The following MAPRE3 variants were observed in gnomAD, a reference collection of about 807,000 sequenced individuals.
The protein encoded by MAPRE3 is microtubule-associated protein RP/EB family member 3.
A neutral mutation model predicts 30.5 loss-of-function variants in MAPRE3; 2 were observed. The observed-to-expected ratio is 0.07, with a 90% confidence interval of 0.03 to 0.21. The LOEUF (loss-of-function observed/expected upper bound fraction) is 0.21, where lower values mean the gene tolerates loss of function less well. MAPRE3 is among the 10% of genes least tolerant of loss of function. The probability of loss-of-function intolerance (pLI) is 1.00; values close to 1 mark genes in which losing one functional copy is unlikely to be tolerated. For synonymous variants in MAPRE3, 110 were observed against 127.7 expected, an observed-to-expected ratio of 0.86 and a Z score of 0.93; for missense variants, 204 against 351.8, an observed-to-expected ratio of 0.58 and a Z score of 3.36.
rs1289933817 is a variant in MAPRE3 at position 27,010,441 on chromosome 2, T to TTC, written c.-7-11770_-7-11769insCT. ...AAGCCTACTTTTAATCTGTATTTCT[T>TTC]TTTTTTTTTTTTTTTTTGAGATGGA... On this transcript the variant is annotated intron_variant, in intron 1 of 6. Transcript: ENST00000233121. 2.1e-5 allele frequency among the ~76,000 whole-genome samples: 3 copies of TTC among 145,234 alleles called. No homozygotes were observed. The South Asian group carries it at 6.6e-4, about 32-fold the overall frequency.
At chr2:27,005,173 G>A (rs1401113952) in intron 1 of MAPRE3, among the ~76,000 whole-genome samples, 5 of 152,274 alleles carry the variant, frequency 3.3e-5, no homozygotes, top group Middle Eastern at 6.8e-3. Context: ...GCCCAAGGAA[G>A]TAGTCACAGA....
intron 2 of MAPRE3, chr2:27,022,968 TG>T: frequency 5.4e-6 from 1 of 183,616 alleles, no homozygotes; most frequent in Non-Finnish European, 1.2e-5. Context: ...CACACCTCTC[TG>T]GGTCCAGCTC....
At chr2:26,989,700 G>T (rs1002436459) in intron 1 of MAPRE3, among the ~76,000 whole-genome samples, 2 of 152,174 alleles carry the variant, frequency 1.3e-5, no homozygotes, top group African/African-American at 4.8e-5. Flanking sequence ...ATGTCAGGAT[G>T]CTCCACTCTG....
chr2:27,022,813 C>T (rs1309383349), intron 2 of MAPRE3: 2 of 167,660 alleles, frequency 1.2e-5, no homozygotes, highest in Non-Finnish European at 2.6e-5. Flanking sequence ...GAGCTGGAGG[C>T]CCTGAACTAG....
At chr2:27,022,613 A>C in intron 2 of MAPRE3, 1 of 379,728 alleles carries the variant, frequency 2.6e-6, no homozygotes. Flanking sequence ...TCTGTACTAA[A>C]TACTGCAGAC....
intron 1 of MAPRE3, among the ~76,000 whole-genome samples, chr2:26,991,069 T>A (rs6705514): frequency 1.3e-5 from 2 of 151,942 alleles, no homozygotes; most frequent in African/African-American, 2.4e-5. Flanking sequence ...CTGGCTAACA[T>A]GGTGAAACCC....
At chr2:26,974,045 T>C (rs1270623744) in intron 1 of MAPRE3, among the ~76,000 whole-genome samples, 1 of 152,124 alleles carries the variant, frequency 6.6e-6, no homozygotes, top group Non-Finnish European at 1.5e-5. Flanking sequence ...TTACCTAAGG[T>C]CACCCAACCC....
rs549096008 is a variant in MAPRE3, at chr2:26,986,977, C to T, written c.-8+16175C>T. On this transcript the variant is annotated intron_variant, in intron 1 of 6. Coordinates refer to ENST00000233121, the MANE Select transcript of MAPRE3 (RefSeq NM_012326.4). This position sits in a 1 kb window ranked among gnomAD's most constrained non-coding sequence, Gnocchi z 4.2. ...GAGTTTCCACCTAGAGGTAAGAACT[C>T]AGGAGGGAGTGCCCCGGTAATAGCT... is the stretch of plus-strand genomic sequence containing the variant. 6.6e-6 allele frequency among the ~76,000 whole-genome samples: 1 copy of T among 152,178 alleles called. No homozygotes were observed. Among genetic ancestry groups the T allele is most frequent in the South Asian group, 2.1e-4 (1 of 4,812 alleles).
intron 1 of MAPRE3, among the ~76,000 whole-genome samples, chr2:26,990,302 C>G (rs1666311724): frequency 6.6e-6 from 1 of 152,188 alleles, no homozygotes; most frequent in Non-Finnish European, 1.5e-5. Context: ...GCGCCCCATG[C>G]TCTCCCCGCT....
intron 1 of MAPRE3, chr2:27,002,135 A>C (rs187936213): frequency 1.3e-4 from 20 of 152,364 alleles, no homozygotes; most frequent in African/African-American, 4.8e-4. Flanking sequence ...TATTGGAGAC[A>C]GGTAAGGAAG....
Position 27,025,876 on chromosome 2 carries a change from G to A in MAPRE3, c.625-4G>A, listed in dbSNP as rs775157956. 2.5e-6 allele frequency: 4 copies of A among 1,614,210 alleles called. No individual in the cohort carries two copies. Among genetic ancestry groups the A allele is most frequent in the Non-Finnish European group, 3.4e-6 (4 of 1,180,038 alleles). On this transcript the variant is annotated splice_polypyrimidine_tract_variant and splice_region_variant and intron_variant, in intron 5 of 6. Coordinates refer to ENST00000233121, the MANE Select transcript of MAPRE3 (RefSeq NM_012326.4). The stretch of plus-strand genomic sequence containing the variant: ...GGCTTGAACATCACTTTGTCCCCAA[G>A]CAGCTGGTGGACTTGAAGCTGACAG...
intron 1 of MAPRE3, among the ~76,000 whole-genome samples, chr2:26,990,424 T>C (rs528116728): frequency 6.6e-6 from 1 of 152,274 alleles, no homozygotes; most frequent in Admixed American, 6.5e-5. Flanking sequence ...AGGTTACACA[T>C]CACTTCTTGC....
intron 1 of MAPRE3, among the ~76,000 whole-genome samples, chr2:26,992,251 A>T (rs757933587): frequency 2.1e-5 from 3 of 144,432 alleles, no homozygotes; most frequent in Non-Finnish European, 4.5e-5. Flanking sequence ...TTTGAGATGG[A>T]GTTTCGCTCT....
At chr2:27,010,179 G>A (rs1371031901) in intron 1 of MAPRE3, among the ~76,000 whole-genome samples, 1 of 152,180 alleles carries the variant, frequency 6.6e-6, no homozygotes, top group Non-Finnish European at 1.5e-5. Context: ...ATTAACCACA[G>A]TTAAACAAAG....
chr2:27,017,339 CA>C, intron 1 of MAPRE3, among the ~76,000 whole-genome samples: 1 of 152,292 alleles, frequency 6.6e-6, no homozygotes, highest in African/African-American at 2.4e-5. Flanking sequence ...CCTGCTTCCC[CA>C]GAAGCCCCAT....
intron 1 of MAPRE3, among the ~76,000 whole-genome samples, chr2:26,990,166 T>C (rs577212307): frequency 6.6e-6 from 1 of 152,284 alleles, no homozygotes; most frequent in South Asian, 2.1e-4. Flanking sequence ...AAAGCAAGAC[T>C]GTCTTGAAAA....
At chr2:27,022,877 G>A (rs1667139484) in intron 2 of MAPRE3, 1 of 169,122 alleles carries the variant, frequency 5.9e-6, no homozygotes, top group African/African-American at 2.4e-5. Context: ...GAGAAGAGCA[G>A]GAGAGGCACC....
At chr2:26,978,749 C>G (rs745757739) in intron 1 of MAPRE3, among the ~76,000 whole-genome samples, 1 of 152,192 alleles carries the variant, frequency 6.6e-6, no homozygotes, top group Non-Finnish European at 1.5e-5. Flanking sequence ...ATGCTCTCAG[C>G]ACGTATTCTT....
chr2:27,026,463 C>A lies in MAPRE3; in HGVS notation c.*115C>A. 1 of 915,548 alleles carries A rather than the reference C, an allele frequency of 1.1e-6. No individual in the cohort carries two copies. 56.7% of individuals were successfully genotyped at this position (915,548 alleles called of 1,614,324 possible). Reference sequence around the variant, plus strand: ...GGCCGGGTGCTTTGTGTCAGTGCTGCAGCACTGGGGAGCCAGGCGAGGGGG... The same window carrying A: ...GGCCGGGTGCTTTGTGTCAGTGCTGAAGCACTGGGGAGCCAGGCGAGGGGG... On this transcript the variant is annotated 3_prime_UTR_variant, in exon 7 of 7. Transcript: ENST00000233121.
Sources: gnomAD v4.1 joint callset for allele counts (sites outside exome capture counted in the v4.1 genomes callset) on GRCh38, gnomAD v4.1.1 for gene constraint, Gnocchi (gnomAD v3.1) non-coding constraint, MANE v1.5 for transcripts, NCBI Gene and HGNC (gene_info 2026-07-23, HGNC 2026-07-21) for gene names.